UHRF1: variants seen among roughly 807,000 people sequenced by gnomAD.
UHRF1 encodes the protein ubiquitin like with PHD and ring finger domains 1.
A neutral mutation model predicts 96.5 loss-of-function variants in UHRF1; 9 were observed. That is an observed-to-expected ratio of 0.09 (90% CI 0.06 to 0.16). UHRF1 has a LOEUF of 0.16. Ranked by LOEUF, UHRF1 falls within the 10% of genes least tolerant of loss-of-function variation. The probability of loss-of-function intolerance (pLI) is 1.00; values close to 1 mark genes in which losing one functional copy is unlikely to be tolerated. For synonymous variants in UHRF1, 455 were observed against 469.9 expected (o/e 0.97, Z 0.41); for missense variants, 626 against 1,131.1 (o/e 0.55, Z 6.40).
At chr19:4,935,927 G>A (rs1240212741) in intron 5 of UHRF1, among the ~76,000 whole-genome samples, 2 of 152,116 alleles carry the variant, frequency 1.3e-5, no homozygotes, top group African/African-American at 4.8e-5. Flanking sequence ...CAGCACCCAC[G>A]GGCTTCCTCC....
intron 16 of UHRF1, among the ~76,000 whole-genome samples, chr19:4,957,617 T>C (rs539408790): frequency 4.6e-5 from 7 of 152,224 alleles, no homozygotes; most frequent in African/African-American, 1.4e-4. Flanking sequence ...CCGCAGCTGA[T>C]GGTTTTCAAA....
chr19:4,936,772 C>T (rs1318634179), intron 5 of UHRF1, among the ~76,000 whole-genome samples: 1 of 150,104 alleles, frequency 6.7e-6, no homozygotes, highest in African/African-American at 2.5e-5. Flanking sequence ...ACACCACTGC[C>T]CTCCAGCCTA....
intron 2 of UHRF1, among the ~76,000 whole-genome samples, chr19:4,917,628 T>G (rs2032565175): frequency 8.1e-6 from 1 of 123,320 alleles, no homozygotes; most frequent in African/African-American, 3.2e-5. Context: ...CACTCCAGCT[T>G]GGCAACAGAG....
chr19:4,952,335 C>A (rs949275323), intron 13 of UHRF1, among the ~76,000 whole-genome samples: 1 of 150,836 alleles, frequency 6.6e-6, no homozygotes, highest in Non-Finnish European at 1.5e-5. Context: ...CTCAGGTGAT[C>A]CACCCGCCTC....
chr19:4,903,210 G>A (rs1265580029), exon 1 of UHRF1: 5 of 237,676 alleles, frequency 2.1e-5, no homozygotes, highest in Non-Finnish European at 4.3e-5. Flanking sequence ...GGTAGAGACA[G>A]AGTTTCACTG....
intron 16 of UHRF1, among the ~76,000 whole-genome samples, chr19:4,958,492 A>G (rs2033913270): frequency 1.3e-5 from 2 of 152,236 alleles, no homozygotes; most frequent in African/African-American, 4.8e-5. Context: ...CTGTGGGGAC[A>G]TTGGAAACCA....
At chr19:4,924,242 C>T (rs1044124481) in intron 2 of UHRF1, among the ~76,000 whole-genome samples, 11 of 152,274 alleles carry the variant, frequency 7.2e-5, no homozygotes, top group African/African-American at 1.2e-4. Flanking sequence ...CTCCGCCCCC[C>T]GGGTTCATGC....
At chr19:4,942,573 C>T (rs1259269859) in intron 7 of UHRF1, among the ~76,000 whole-genome samples, 1 of 152,046 alleles carries the variant, frequency 6.6e-6, no homozygotes, top group African/African-American at 2.4e-5. Context: ...CTCAGCCTCC[C>T]GAGTAGCTGG....
At chr19:4,906,815 C>T (rs1050115141), upstream of UHRF1, among the ~76,000 whole-genome samples, 7 of 152,120 alleles carry the variant, frequency 4.6e-5, no homozygotes, top group African/African-American at 7.2e-5. Context: ...GTTGAGTTTT[C>T]GCAACAGCGC....
intron 5 of UHRF1, among the ~76,000 whole-genome samples, chr19:4,938,162 G>T (rs186373510): frequency 6.6e-6 from 1 of 151,592 alleles, no homozygotes; most frequent in Non-Finnish European, 1.5e-5. Flanking sequence ...TCGGTGGGGT[G>T]GGGGAGGAAG....
At chr19:4,939,827 A>T (rs1396271445) in intron 5 of UHRF1, among the ~76,000 whole-genome samples, 1 of 152,184 alleles carries the variant, frequency 6.6e-6, no homozygotes, top group Non-Finnish European at 1.5e-5. Context: ...GATCGAGACC[A>T]TCCTGGCAAA....
At chr19:4,928,950 C>G (rs1437421375) in intron 2 of UHRF1, among the ~76,000 whole-genome samples, 1 of 152,204 alleles carries the variant, frequency 6.6e-6, no homozygotes, top group Non-Finnish European at 1.5e-5. Context: ...CGTGGTGCCC[C>G]GTGATGATGT....
chr19:4,905,643 G>A (rs2032051538), upstream of UHRF1, among the ~76,000 whole-genome samples: 1 of 151,804 alleles, frequency 6.6e-6, no homozygotes, highest in Non-Finnish European at 1.5e-5. Flanking sequence ...TCTGCCTCCC[G>A]AGTAGCTGGG....
At chr19:4,945,534 C>T (rs2033536026) in intron 9 of UHRF1, among the ~76,000 whole-genome samples, 1 of 152,098 alleles carries the variant, frequency 6.6e-6, no homozygotes, top group East Asian at 1.9e-4. Context: ...GCTGGGATTA[C>T]AGGTGTGAGC....
At chr19:4,957,297 G>GTTTTTTTTTTTT (rs59654364) in intron 16 of UHRF1, among the ~76,000 whole-genome samples, 8 of 51,034 alleles carry the variant, frequency 1.6e-4, no homozygotes, top group African/African-American at 5.4e-4. Flanking sequence ...CCAGCTGATG[G>GTTTTTTTTTTTT]TTTTTTTTTT....
chr19:4,906,766 A>AAAAAAG (rs2032072055), upstream of UHRF1, among the ~76,000 whole-genome samples: 2 of 152,122 alleles, frequency 1.3e-5, no homozygotes, highest in South Asian at 4.1e-4. Context: ...AAGAAAAAGA[A>AAAAAAG]AAAAAGAAAA....
At chr19:4,936,424 AT>A (rs1200184392) in intron 5 of UHRF1, among the ~76,000 whole-genome samples, 2 of 152,024 alleles carry the variant, frequency 1.3e-5, no homozygotes, top group Admixed American at 6.6e-5. Context: ...ACACGCGAGG[AT>A]GGGTGGCAGA....
chr19:4,905,241 C>T (rs1177816800), upstream of UHRF1, among the ~76,000 whole-genome samples: 11 of 150,440 alleles, frequency 7.3e-5, no homozygotes, highest in Admixed American at 2.7e-4. Flanking sequence ...CTCAGCCTCC[C>T]GAGTAGCTGG....
In UHRF1 at chr19:4,915,710, A is replaced by T. The variant is rs75866815; in HGVS notation, c.153+4672A>T. Among the ~76,000 whole-genome samples, 11 of 145,472 alleles carry T rather than the reference A, an allele frequency of 7.6e-5. No homozygotes were observed. In the East Asian group the frequency reaches 2.3e-3, roughly 30 times the overall value. ...GGGCGACAGAGCAAGACTCCGTCTC[A>T]AAAAAAAAGCAAAACAAAAAACAAA... On this transcript the variant is annotated intron_variant, in intron 2 of 16. Transcript: ENST00000650932.
Sources: allele counts gnomAD v4.1 joint callset (sites outside exome capture counted in the v4.1 genomes callset), GRCh38; gene constraint gnomAD v4.1.1; transcripts MANE v1.5; gene names NCBI Gene and HGNC (gene_info 2026-07-23, HGNC 2026-07-21).